CNGA3: variants seen among roughly 807,000 people sequenced by gnomAD.
The protein encoded by CNGA3 is cyclic nucleotide gated channel subunit alpha 3.
CNGA3 carries 42 observed loss-of-function variants against 46.6 expected under a neutral mutation model. That is an observed-to-expected ratio of 0.90 (90% CI 0.70 to 1.17). The LOEUF is 1.17. CNGA3 is among the 50% of genes most tolerant of loss of function. CNGA3 has a pLI of 0.00. For synonymous variants in CNGA3, 394 were observed against 369.4 expected (o/e 1.07, Z -0.76); for missense variants, 893 against 890.7 (o/e 1.00, Z -0.03).
chr2:98,384,657 C>G (rs910581306), intron 5 of CNGA3, among the ~76,000 whole-genome samples: 1 of 152,176 alleles, frequency 6.6e-6, no homozygotes. Context: ...TAAAGCCAAA[C>G]CTGACACTAA....
chr2:98,381,674 T>C (rs971459893), intron 4 of CNGA3, among the ~76,000 whole-genome samples: 4 of 152,126 alleles, frequency 2.6e-5, no homozygotes, highest in African/African-American at 9.7e-5. Flanking sequence ...CTGACTGAGA[T>C]GGGAAGGCCA....
chr2:98,382,484 A>G (rs1187773557), intron 4 of CNGA3, among the ~76,000 whole-genome samples: 2 of 152,214 alleles, frequency 1.3e-5, no homozygotes, highest in African/African-American at 4.8e-5. Flanking sequence ...GATGAGCTGA[A>G]GTCATCATAA....
intron 7 of CNGA3, among the ~76,000 whole-genome samples, chr2:98,395,289 C>T (rs1388546749): frequency 6.6e-6 from 1 of 152,090 alleles, no homozygotes; most frequent in Non-Finnish European, 1.5e-5. Context: ...CGTGCCTCAG[C>T]TTCCTGAGTA....
rs1463514869 is a variant in CNGA3 at position 98,377,818 on chromosome 2, G to A, written c.215+18G>A. ...ATCGCCAGGTAACTGACCAGCCTCAGTCCCTACCTTGGCCTGGGGGACACT... is the reference window on the plus strand; with the variant it reads ...ATCGCCAGGTAACTGACCAGCCTCAATCCCTACCTTGGCCTGGGGGACACT... On this transcript the variant is annotated intron_variant, in intron 3 of 7. Coordinates refer to ENST00000272602, the MANE Select transcript of CNGA3 (RefSeq NM_001298.3). 3 of 1,601,274 alleles carry A rather than the reference G, an allele frequency of 1.9e-6. No homozygotes were observed. Among genetic ancestry groups the A allele is most frequent in the Non-Finnish European group, 2.6e-6 (3 of 1,173,590 alleles).
intron 4 of CNGA3, 110 bp downstream of exon 4, chr2:98,380,464 T>C (rs1692513175): frequency 1.5e-6 from 2 of 1,328,774 alleles, no homozygotes; most frequent in East Asian, 5.0e-5. Context: ...TGGAACGTCA[T>C]CCCCATGAGC....
rs1692904753 is a variant in CNGA3 at position 98,396,069 on chromosome 2, T to C, written c.899T>C (p.Met300Thr). The part of the protein sequence containing the change: ...RTETRTNYPN[M>T]FRIGNLVLYI... ...GAGACAAGGACCAACTACCCCAATATGTTCAGGATTGGGAACTTGGTCTTG... is the reference window on the plus strand; with the variant it reads ...GAGACAAGGACCAACTACCCCAATACGTTCAGGATTGGGAACTTGGTCTTG... The change falls in exon 8 of 8, where the codon ATG becomes ACG. Residue 300 changes from methionine to threonine, a missense_variant. By Grantham distance (81) the Met-to-Thr change is moderately conservative. Coordinates refer to ENST00000272602, the MANE Select transcript of CNGA3 (RefSeq NM_001298.3). The C allele has an allele frequency of 1.9e-6, 3 of 1,614,202 alleles. No homozygotes were observed. The highest frequency in any genetic ancestry group is 2.5e-6 in the Non-Finnish European group (3 of 1,180,022).
intron 1 of CNGA3, among the ~76,000 whole-genome samples, chr2:98,363,250 C>G (rs1692074274): frequency 1.3e-5 from 2 of 152,154 alleles, no homozygotes; most frequent in African/African-American, 4.8e-5. Context: ...GGAAGTATGG[C>G]CATTTTCATG....
chr2:98,358,430 A>C (rs1461203986), intron 1 of CNGA3, among the ~76,000 whole-genome samples: 1 of 152,202 alleles, frequency 6.6e-6, no homozygotes, highest in East Asian at 1.9e-4. Context: ...GAAATATAAG[A>C]TCTTATGTAC....
chr2:98,390,614 G>C (rs575514787), intron 6 of CNGA3, among the ~76,000 whole-genome samples: 1 of 152,162 alleles, frequency 6.6e-6, no homozygotes, highest in African/African-American at 2.4e-5. Flanking sequence ...TCCTGAGCAC[G>C]CTGTCCACCA....
Position 98,389,685 on chromosome 2 carries a change from C to A in CNGA3, c.477C>A (p.Ile159=). The change falls in exon 6 of 8, where the codon ATC becomes ATA. Residue 159 remains isoleucine (I), a synonymous_variant. Transcript: ENST00000272602. ...AGAAGACGAAAAAGAAGGATGCGAT[C>A]GTGGTGGACCCGTCCAGCAACCTGT... is the stretch of plus-strand genomic sequence containing the variant. ...EEKKTKKKDA[I]VVDPSSNLYY... 1 of 1,613,868 alleles carries A rather than the reference C, an allele frequency of 6.2e-7. No individual in the cohort carries two copies. The highest frequency in any genetic ancestry group is 1.3e-5 in the African/African-American group (1 of 75,048).
rs961313176 is a variant in CNGA3, at chr2:98,398,385, T to C, written c.*1130T>C. On this transcript the variant is annotated 3_prime_UTR_variant, in exon 8 of 8. Coordinates refer to ENST00000272602, the MANE Select transcript of CNGA3 (RefSeq NM_001298.3). ...ATGACCTCAAATTCCATCCTTCACT[T>C]ATGTAACATGTTGCAAATTACCCAA... The C allele has an allele frequency of 6.6e-6, 1 of 152,218 alleles. No individual in the cohort carries two copies. Among genetic ancestry groups the C allele is most frequent in the Admixed American group, 6.5e-5 (1 of 15,282 alleles). The allele number at this position is 152,218 out of a possible 1,614,324, so 9.4% of individuals were successfully genotyped here.
At chr2:98,388,714 G>A (rs891590273) in intron 5 of CNGA3, among the ~76,000 whole-genome samples, 9 of 152,210 alleles carry the variant, frequency 5.9e-5, no homozygotes, top group African/African-American at 1.9e-4. Context: ...CCGGCCACAC[G>A]TAGGCTGAGG....
intron 3 of CNGA3, 27 bp downstream of exon 3, chr2:98,377,827 T>C: frequency 6.3e-7 from 1 of 1,585,966 alleles, no homozygotes; most frequent in East Asian, 2.3e-5. Flanking sequence ...AGTCCCTACC[T>C]TGGCCTGGGG....
intron 7 of CNGA3, 54 bp downstream of exon 7, chr2:98,392,024 G>T: frequency 6.7e-7 from 1 of 1,498,996 alleles, no homozygotes; most frequent in Non-Finnish European, 9.2e-7. Flanking sequence ...GGAGTGTTCC[G>T]GGAGACCCAG....
chr2:98,397,524 A>G lies in CNGA3; in HGVS notation c.*269A>G, dbSNP rs1692950011. ...GCAAAGTGCAAGGTATCCCCAGTCC[A>G]AGTATATGAAAACGTGCACACAGGA... On this transcript the variant is annotated 3_prime_UTR_variant, in exon 8 of 8. Transcript: ENST00000272602. The G allele has an allele frequency of 1.9e-6, 1 of 525,144 alleles. No individual in the cohort carries two copies. 32.5% of individuals were successfully genotyped at this position (525,144 alleles called of 1,614,324 possible).
In CNGA3 at chr2:98,377,995, C is replaced by G. The variant is rs1692447629; in HGVS notation, c.215+195C>G. ...TCAGATGTTCTGAGCTCAGAAAAGT[C>G]TAAGGAAAACTGCCTTTATCTGAAA... On this transcript the variant is annotated intron_variant, in intron 3 of 7. Coordinates refer to ENST00000272602, the MANE Select transcript of CNGA3 (RefSeq NM_001298.3). 4.6e-6 allele frequency: 7 copies of G among 1,511,384 alleles called. No individual in the cohort carries two copies. The East Asian group carries it at 1.7e-4, about 37-fold the overall frequency. The allele number at this position is 1,511,384 out of a possible 1,614,324, so 93.6% of individuals were successfully genotyped here. A position where few individuals can be genotyped will look rare whatever the true frequency, so the allele number is the denominator to read the frequency against.
At chr2:98,392,352 G>A (rs1176337080) in intron 7 of CNGA3, among the ~76,000 whole-genome samples, 1 of 152,134 alleles carries the variant, frequency 6.6e-6, no homozygotes, top group Non-Finnish European at 1.5e-5. Context: ...TGGAGGTCAG[G>A]AGTTCGAGAC....
chr2:98,377,798 C>G lies in CNGA3; in HGVS notation c.213C>G (p.Ala71=). ...GCTCCTTCACCGGCCAGGGGATCGC[C>G]AGGTAACTGACCAGCCTCAGTCCCT... ...GQGSFTGQGI[A]RLSRLIFLLR... is the part of the protein sequence containing the mutation. The change falls in exon 3 of 8, where the codon GCC becomes GCG. Residue 71 remains alanine, a splice_region_variant and synonymous_variant. Transcript: ENST00000272602. 1 of 1,609,850 alleles carries G rather than the reference C, an allele frequency of 6.2e-7. No homozygotes were observed. Among genetic ancestry groups the G allele is most frequent in the Non-Finnish European group, 8.5e-7 (1 of 1,179,082 alleles).
intron 1 of CNGA3, among the ~76,000 whole-genome samples, chr2:98,366,712 C>T (rs534688349): frequency 5.3e-5 from 8 of 152,330 alleles, no homozygotes; most frequent in African/African-American, 1.9e-4. Context: ...TCCTCCTGGG[C>T]CCAAACTGCC....
Sources: gnomAD v4.1 joint callset for allele counts (sites outside exome capture counted in the v4.1 genomes callset) on GRCh38, gnomAD v4.1.1 for gene constraint, MANE v1.5 for transcripts, NCBI Gene and HGNC (gene_info 2026-07-23, HGNC 2026-07-21) for gene names.